FRY: variants seen among roughly 807,000 people sequenced by gnomAD.
FRY encodes the protein FRY microtubule binding protein, also known as protein furry homolog.
FRY carries 128 observed loss-of-function variants against 348.4 expected under a neutral mutation model. The observed-to-expected ratio is 0.37, with a 90% CI of 0.32 to 0.43. The LOEUF (loss-of-function observed/expected upper bound fraction) is 0.43. Among genes scored for constraint, FRY ranks in the 20% least tolerant of loss-of-function variants. FRY has a pLI of 1.00. For synonymous variants in FRY, 1,370 were observed against 1,374.7 expected, an observed-to-expected ratio of 1.00 and a Z score of 0.08; for missense variants, 2,736 against 3,695.2, an observed-to-expected ratio of 0.74 and a Z score of 6.73.
At chr13:32,086,135 T>A (rs868569205) in intron 2 of FRY, 33 of 401,126 alleles carry the variant, frequency 8.2e-5, no homozygotes, top group African/African-American at 4.4e-4. Context: ...CAGAAAAAAA[T>A]AAGAACCGCA....
chr13:32,038,551 C>T (rs1872633906), intron 1 of FRY: 1 of 152,184 alleles, frequency 6.6e-6, no homozygotes, highest in Admixed American at 6.5e-5. Flanking sequence ...ACAACTTAAC[C>T]TCATTTTCTT....
At position 32,117,552 on chromosome 13, in the gene FRY, G is replaced by T. The variant is rs979354937; in HGVS notation, c.464+79G>T. ...ACATAAATCAAAATTAGAGTTACAAGGCAATTGGGTCTTCCTGACTCTTCA... is the reference window on the plus strand; with the variant it reads ...ACATAAATCAAAATTAGAGTTACAATGCAATTGGGTCTTCCTGACTCTTCA... On this transcript the variant is annotated intron_variant, in intron 4 of 60. Coordinates refer to ENST00000542859, the MANE Select transcript of FRY (RefSeq NM_023037.3). 3 of 1,448,676 alleles carry T rather than the reference G, an allele frequency of 2.1e-6. No individual in the cohort carries two copies. In the East Asian group the frequency reaches 6.9e-5, roughly 33 times the overall value. The allele number at this position is 1,448,676 out of a possible 1,614,324, so 89.7% of individuals were successfully genotyped here. A position where few individuals can be genotyped will look rare whatever the true frequency, so the allele number is the denominator to read the frequency against.
intron 51 of FRY, chr13:32,258,030 AT>A: frequency 7.4e-7 from 1 of 1,344,420 alleles, no homozygotes; most frequent in Non-Finnish European, 1.1e-6. Context: ...ATCTTTGCAG[AT>A]TTATAACAAC....
chr13:32,209,156 G>GA (rs770233855), intron 32 of FRY, 47 bp downstream of exon 32: 16 of 1,609,982 alleles, frequency 9.9e-6, no homozygotes, highest in Middle Eastern at 1.7e-4. Flanking sequence ...TCCATCATCA[G>GA]AAAAAAACCC....
chr13:32,199,966 A>C (rs1178651768), intron 29 of FRY, among the ~76,000 whole-genome samples: 1 of 152,194 alleles, frequency 6.6e-6, no homozygotes, highest in African/African-American at 2.4e-5. Flanking sequence ...AAGGGGCCTC[A>C]TCTGGTGAGG....
chr13:32,245,902 G>A (rs80201685), intron 47 of FRY, among the ~76,000 whole-genome samples: 25,653 of 152,222 alleles, frequency 0.17, 2,783 homozygotes, highest in Non-Finnish European at 0.24. Context: ...AAGATATACC[G>A]TATAAATTTT....
At chr13:32,132,821 T>C (rs961075514) in intron 8 of FRY, among the ~76,000 whole-genome samples, 16 of 152,180 alleles carry the variant, frequency 1.1e-4, no homozygotes, top group African/African-American at 3.9e-4. Context: ...ATAGATAAAA[T>C]GTGATATATC....
chr13:32,242,277 A>G (rs1886549427), intron 46 of FRY, among the ~76,000 whole-genome samples: 1 of 152,178 alleles, frequency 6.6e-6, no homozygotes, highest in Non-Finnish European at 1.5e-5. Flanking sequence ...TGTGGCATGG[A>G]TTGTGGGTAT....
Position 32,157,358 on chromosome 13 carries a change from G to A in FRY, c.1737G>A (p.Met579Ile). 1 of 1,613,236 alleles carries A rather than the reference G, an allele frequency of 6.2e-7. No individual in the cohort carries two copies. Among genetic ancestry groups the A allele is most frequent in the Non-Finnish European group, 8.5e-7 (1 of 1,179,294 alleles). ...ATAAAGAAGTAGGAAGGTGTATGATGCTGACTAATGTACAGATGTTAAACA... is the reference window on the plus strand; with the variant it reads ...ATAAAGAAGTAGGAAGGTGTATGATACTGACTAATGTACAGATGTTAAACA... Reference protein sequence around the residue: ...HLDKEVGRCMMLTNVQMLNKE... With the variant: ...HLDKEVGRCMILTNVQMLNKE... Residue 579 changes from methionine to isoleucine, a missense_variant, in exon 16 of 61, where the codon ATG becomes ATA. Coordinates refer to ENST00000542859, the MANE Select transcript of FRY (RefSeq NM_023037.3).
intron 18 of FRY, among the ~76,000 whole-genome samples, chr13:32,172,906 C>G (rs1406737491): frequency 2.0e-5 from 3 of 152,312 alleles, no homozygotes; most frequent in South Asian, 2.1e-4. Flanking sequence ...CAGAATCCAT[C>G]ACAGAGCTGT....
chr13:32,230,020 A>G (rs1593773855), intron 40 of FRY, among the ~76,000 whole-genome samples: 1 of 152,192 alleles, frequency 6.6e-6, no homozygotes, highest in East Asian at 1.9e-4. Context: ...TAAGACTGAA[A>G]TGTACTTCCA....
chr13:32,112,135 T>C (rs1305821326), intron 3 of FRY, among the ~76,000 whole-genome samples: 1 of 152,214 alleles, frequency 6.6e-6, no homozygotes, highest in Non-Finnish European at 1.5e-5. Flanking sequence ...TCCCACAATA[T>C]ACTTAGAAAG....
At chr13:32,265,097 C>G (rs775470174) in intron 53 of FRY, among the ~76,000 whole-genome samples, 2 of 152,308 alleles carry the variant, frequency 1.3e-5, no homozygotes, top group East Asian at 1.9e-4. Context: ...CCCTTTCCCA[C>G]GTGGAGCATT....
intron 58 of FRY, among the ~76,000 whole-genome samples, chr13:32,284,964 C>G (rs1276495318): frequency 1.3e-5 from 2 of 152,268 alleles, no homozygotes; most frequent in East Asian, 3.9e-4. Context: ...CTTTTAAAAG[C>G]TATGCATTCC....
At chr13:32,162,275 T>C (rs990031385) in intron 17 of FRY, among the ~76,000 whole-genome samples, 1 of 152,332 alleles carries the variant, frequency 6.6e-6, no homozygotes, top group African/African-American at 2.4e-5. Context: ...CAAATAGTCA[T>C]GCTGACTGAA....
rs757620035 is a variant in FRY at position 32,244,027 on chromosome 13, A to C, written c.6688-15A>C. The C allele has an allele frequency of 2.5e-6, 4 of 1,613,512 alleles. No individual in the cohort carries two copies. The highest frequency in any genetic ancestry group is 3.4e-6 in the Non-Finnish European group (4 of 1,179,836). On this transcript the variant is annotated splice_polypyrimidine_tract_variant and intron_variant, in intron 46 of 60. Coordinates refer to ENST00000542859, the MANE Select transcript of FRY (RefSeq NM_023037.3). ...CTGGTGTGTGACTGACTCCAGCCGC[A>C]CTTTGCCCCCACAGCTGCTGGAGAA...
At chr13:32,079,645 C>T (rs1006921696) in intron 2 of FRY, among the ~76,000 whole-genome samples, 3 of 152,120 alleles carry the variant, frequency 2.0e-5, no homozygotes, top group African/African-American at 7.2e-5. Context: ...GATGCTTCTG[C>T]TAGAAAATAA....
At chr13:32,099,999 A>C (rs1877043787) in intron 2 of FRY, among the ~76,000 whole-genome samples, 2 of 152,102 alleles carry the variant, frequency 1.3e-5, no homozygotes, top group Non-Finnish European at 2.9e-5. Flanking sequence ...TAGTAAATGT[A>C]TGATTGGTAG....
Position 32,183,115 on chromosome 13 carries a change from T to C in FRY, c.3054+81T>C, listed in dbSNP as rs147560276. On this transcript the variant is annotated intron_variant, in intron 24 of 60. Coordinates refer to ENST00000542859, the MANE Select transcript of FRY (RefSeq NM_023037.3). ...TTAAATCAAACCTAGTGATTTCCCC[T>C]AAAGAATACAAACCCCTAACACCTT... 3.2e-4 allele frequency: 253 copies of C among 796,672 alleles called. 1 individual carries two copies. The African/African-American group carries it at 4.1e-3, about 13-fold the overall frequency. 49.4% of individuals were successfully genotyped at this position (796,672 alleles called of 1,614,324 possible). A position where few individuals can be genotyped will look rare whatever the true frequency, so the allele number is the denominator to read the frequency against.
Sources: gnomAD v4.1 joint callset for allele counts (sites outside exome capture counted in the v4.1 genomes callset) on GRCh38, gnomAD v4.1.1 for gene constraint, MANE v1.5 for transcripts, NCBI Gene and HGNC (gene_info 2026-07-23, HGNC 2026-07-21) for gene names.